The following SLC41A1 variants were observed in gnomAD, a reference collection of about 807,000 sequenced individuals.
The protein encoded by SLC41A1 is solute carrier family 41 (magnesium transporter), member 1.
In SLC41A1, 20 loss-of-function variants were observed where a neutral mutation model predicts 47.3. The observed-to-expected ratio is 0.42, with a 90% confidence interval of 0.30 to 0.61. The LOEUF is 0.61. SLC41A1 is among the 20% of genes least tolerant of loss of function. The pLI, the probability that SLC41A1 is intolerant of heterozygous loss-of-function variation, is 0.17. For missense variants in SLC41A1, 504 were observed against 674.1 expected (o/e 0.75, Z 2.79); for synonymous variants, 282 against 272.7 (o/e 1.03, Z -0.34).
Position 205,810,476 on chromosome 1 carries a change from T to G in SLC41A1, c.-35A>C. 1 of 1,613,924 alleles carries G rather than the reference T, an allele frequency of 6.2e-7. No individual in the cohort carries two copies. Among genetic ancestry groups the G allele is most frequent in the Non-Finnish European group, 8.5e-7 (1 of 1,180,028 alleles). Reference sequence around the variant, plus strand: ...GGAGGAGGGGAAGGGAGAACTTTCCTCTCTTCTTTTTGCTTTCTCTCTTCT... The same window carrying G: ...GGAGGAGGGGAAGGGAGAACTTTCCGCTCTTCTTTTTGCTTTCTCTCTTCT... On this transcript the variant is annotated 5_prime_UTR_variant, in exon 2 of 11. Transcript: ENST00000367137. The surrounding 1 kb of genome is among the most constrained non-coding windows in gnomAD (Gnocchi z 5.5).
intron 1 of SLC41A1, 103 bp downstream of exon 1, chr1:205,812,705 G>A (rs2102514111): frequency 4.1e-6 from 4 of 981,070 alleles, no homozygotes; most frequent in Middle Eastern, 5.2e-4. Flanking sequence ...TAACTGGGTG[G>A]CCTCCTCAGT....
intron 6 of SLC41A1, 138 bp downstream of exon 6, chr1:205,798,530 TA>T: frequency 7.6e-7 from 1 of 1,313,442 alleles, no homozygotes; most frequent in Non-Finnish European, 1.1e-6. Flanking sequence ...TTCAAATCTC[TA>T]AGATCAGGAA....
At chr1:205,794,653 T>A (rs1328065525) in intron 10 of SLC41A1, among the ~76,000 whole-genome samples, 1 of 152,126 alleles carries the variant, frequency 6.6e-6, no homozygotes, top group Non-Finnish European at 1.5e-5. Context: ...TCGCTGAGGA[T>A]CAGGGTAGTA....
intron 2 of SLC41A1, among the ~76,000 whole-genome samples, chr1:205,807,482 T>A (rs1033986613): frequency 2.0e-5 from 3 of 152,130 alleles, no homozygotes; most frequent in Non-Finnish European, 4.4e-5. Context: ...AACTTTGGAA[T>A]CTAAGTGTGT....
rs1655562777 is a variant in SLC41A1 at position 205,789,331 on chromosome 1, AC to A, written c.*2201del. 1 of 152,108 alleles carries A rather than the reference AC, an allele frequency of 6.6e-6. No homozygotes were observed. Among genetic ancestry groups the A allele is most frequent in the African/African-American group, 2.4e-5 (1 of 41,400 alleles). 9.4% of individuals were successfully genotyped at this position (152,108 alleles called of 1,614,324 possible). ...GTCACCTTCATTTTCTTTCCCTCTC[AC>A]CCTACAGTCCTCCTCTGCTCACTCA... On this transcript the variant is annotated 3_prime_UTR_variant, in exon 11 of 11. Transcript: ENST00000367137.
chr1:205,791,273 C>T lies in SLC41A1; in HGVS notation c.*260G>A, dbSNP rs113232338. 8 of 483,816 alleles carry T rather than the reference C, an allele frequency of 1.7e-5. No individual in the cohort carries two copies. The highest frequency in any genetic ancestry group is 3.9e-5 in the African/African-American group (2 of 51,180). 30.0% of individuals were successfully genotyped at this position (483,816 alleles called of 1,614,324 possible). On this transcript the variant is annotated 3_prime_UTR_variant, in exon 11 of 11. Transcript: ENST00000367137. The surrounding 1 kb of genome is among the most constrained non-coding windows in gnomAD (Gnocchi z 4.0). ...TGCTCCAGTCCACATCACCTGGAGG[C>T]ACCCACCATGAAACTGCACTTGGTG...
At chr1:205,803,687 G>A (rs1655943944) in intron 2 of SLC41A1, among the ~76,000 whole-genome samples, 1 of 149,152 alleles carries the variant, frequency 6.7e-6, no homozygotes, top group Admixed American at 6.7e-5. Context: ...GCCCAGGCTG[G>A]AGTGCAGTGG....
At position 205,810,175 on chromosome 1, in the gene SLC41A1, G is replaced by C. The variant is rs745616066; in HGVS notation, c.267C>G (p.Ser89=). The C allele has an allele frequency of 6.2e-7, 1 of 1,614,244 alleles. No individual in the cohort carries two copies. Among genetic ancestry groups the C allele is most frequent in the Non-Finnish European group, 8.5e-7 (1 of 1,180,050 alleles). Residue 89 remains serine (S), a synonymous_variant, in exon 2 of 11, where the codon TCC becomes TCG. Transcript: ENST00000367137. The surrounding 1 kb of genome is among the most constrained non-coding windows in gnomAD (Gnocchi z 5.5). ...TGGAAAAGGAGGTCTCCTTGAGCGGGGAAGGTGGCGCAGGGCCACGGTCTG... is the reference window on the plus strand; with the variant it reads ...TGGAAAAGGAGGTCTCCTTGAGCGGCGAAGGTGGCGCAGGGCCACGGTCTG... ...VSTDRGPAPP[S]PLKETSFSIG... is the part of the protein sequence containing the mutation.
intron 3 of SLC41A1, 72 bp downstream of exon 3, chr1:205,800,881 C>G: frequency 7.2e-7 from 1 of 1,397,288 alleles, no homozygotes; most frequent in East Asian, 2.3e-5. Flanking sequence ...GCTCGTAGCC[C>G]TCTCCCAGTC....
intron 2 of SLC41A1, among the ~76,000 whole-genome samples, chr1:205,804,070 A>C (rs981631728): frequency 2.6e-5 from 4 of 152,126 alleles, no homozygotes; most frequent in African/African-American, 9.7e-5. Context: ...AGGTGAATAT[A>C]CGTAGTACTA....
In SLC41A1 at chr1:205,810,141, G is replaced by T; in HGVS notation, c.301C>A (p.Gln101Lys). ...LKETSFSIGLQVLFPFLLAGF... is the reference protein window; with the variant it reads ...LKETSFSIGLKVLFPFLLAGF... The stretch of plus-strand genomic sequence containing the variant: ...GCCAGGAGGAATGGAAACAGTACTT[G>T]CAGCCCGATGGAAAAGGAGGTCTCC... Residue 101 changes from glutamine to lysine, a missense_variant, in exon 2 of 11, where the codon CAA becomes AAA. Physicochemically the swap from Gln to Lys is moderately conservative, Grantham distance 53. Around this residue, in one of 2 missense-constraint regions of SLC41A1, gnomAD observed 421 missense variants for 601.6 expected, o/e 0.70. Transcript: ENST00000367137. The surrounding 1 kb of genome is among the most constrained non-coding windows in gnomAD (Gnocchi z 5.5). 6.2e-7 allele frequency: 1 copy of T among 1,614,242 alleles called. No homozygotes were observed. The highest frequency in any genetic ancestry group is 8.5e-7 in the Non-Finnish European group (1 of 1,180,036).
chr1:205,809,408 C>T (rs1168006840), intron 2 of SLC41A1, among the ~76,000 whole-genome samples: 2 of 152,178 alleles, frequency 1.3e-5, no homozygotes, highest in African/African-American at 4.8e-5. Context: ...GACAGTTCTG[C>T]CCAGGCCTAG....
At chr1:205,795,803 T>C (rs2102501804) in intron 8 of SLC41A1, 1 of 428,596 alleles carries the variant, frequency 2.3e-6, no homozygotes, top group African/African-American at 2.0e-5. Context: ...AGAGCCTGAC[T>C]TCTCCACCAG....
chr1:205,789,443 G>C lies in SLC41A1; in HGVS notation c.*2090C>G, dbSNP rs759015267. The C allele has an allele frequency of 2.0e-5, 3 of 152,358 alleles. No homozygotes were observed. Among genetic ancestry groups the C allele is most frequent in the Non-Finnish European group, 4.4e-5 (3 of 68,162 alleles). 9.4% of individuals were successfully genotyped at this position (152,358 alleles called of 1,614,324 possible). ...TGGGACTGCCTGGCCAAATTCCAGA[G>C]ATGAGGAAGGGGCGAGTGACTGGGG... is the stretch of plus-strand genomic sequence containing the variant. On this transcript the variant is annotated 3_prime_UTR_variant, in exon 11 of 11. Transcript: ENST00000367137.
At chr1:205,802,222 G>C (rs1004930362) in intron 2 of SLC41A1, among the ~76,000 whole-genome samples, 5 of 152,098 alleles carry the variant, frequency 3.3e-5, no homozygotes, top group Non-Finnish European at 7.4e-5. Flanking sequence ...TTTGGCAAGG[G>C]CACTGGACCA....
intron 2 of SLC41A1, among the ~76,000 whole-genome samples, chr1:205,801,715 A>C (rs769883666): frequency 6.6e-6 from 1 of 152,144 alleles, no homozygotes; most frequent in East Asian, 1.9e-4. Flanking sequence ...TAGGAGAAGC[A>C]AGTGTACTCC....
At position 205,813,055 on chromosome 1, in the gene SLC41A1, C is replaced by G. The variant is rs1416075253; in HGVS notation, c.-894G>C. The G allele has an allele frequency of 1.0e-6, 1 of 985,412 alleles. No individual in the cohort carries two copies. Among genetic ancestry groups the G allele is most frequent in the East Asian group, 1.1e-4 (1 of 8,818 alleles). 61.0% of individuals were successfully genotyped at this position (985,412 alleles called of 1,614,324 possible). ...ACGCGGGGGAGGTGGCCGGGGAGGG[C>G]AGGATATATCGCTTCGGGCCCGGCG... On this transcript the variant is annotated 5_prime_UTR_variant, in exon 1 of 11. Coordinates refer to ENST00000367137, the MANE Select transcript of SLC41A1 (RefSeq NM_173854.6).
At chr1:205,793,313 G>A (rs1370596187) in intron 10 of SLC41A1, among the ~76,000 whole-genome samples, 3 of 152,202 alleles carry the variant, frequency 2.0e-5, no homozygotes, top group Admixed American at 1.3e-4. Context: ...GAGGACAGCA[G>A]AGGCAAGAAT....
chr1:205,795,847 AG>A (rs2102501848), intron 8 of SLC41A1: 1 of 353,084 alleles, frequency 2.8e-6, no homozygotes, highest in South Asian at 2.3e-5. Context: ...TACACAGCTG[AG>A]GGGATGAAGC....
Sources: allele counts gnomAD v4.1 joint callset (sites outside exome capture counted in the v4.1 genomes callset), GRCh38; gene constraint gnomAD v4.1.1; regional missense constraint gnomAD v4.1.1; non-coding constraint Gnocchi (gnomAD v3.1); transcripts MANE v1.5; gene names NCBI Gene and HGNC (gene_info 2026-07-23, HGNC 2026-07-21).